Variants in HLTF observed in about 807,000 individuals in gnomAD.
The protein encoded by HLTF is DNA-dependent ATPase/E3 ubiquitin-protein ligase HLTF.
HLTF carries 127 observed loss-of-function variants against 129.4 expected under a neutral mutation model. The observed-to-expected ratio is 0.98, with a 90% CI of 0.85 to 1.14. The LOEUF (loss-of-function observed/expected upper bound fraction) is 1.14. Ranked by LOEUF, HLTF falls within the 50% of genes most tolerant of loss-of-function variation. The probability of loss-of-function intolerance (pLI) is 0.00; values close to 1 mark genes in which losing one functional copy is unlikely to be tolerated. For synonymous variants in HLTF, 332 were observed against 388.8 expected (o/e 0.85, Z 1.72); for missense variants, 1,139 against 1,187.1 (o/e 0.96, Z 0.60).
chr3:149,059,208 A>C (rs1178394464), intron 13 of HLTF, among the ~76,000 whole-genome samples: 1 of 152,170 alleles, frequency 6.6e-6, no homozygotes, highest in Non-Finnish European at 1.5e-5. Context: ...AATAATGGAG[A>C]CCAAGGGGCA....
chr3:149,084,741 A>C lies in HLTF; in HGVS notation c.169T>G (p.Ser57Ala). The stretch of plus-strand genomic sequence containing the variant: ...CCTCTCAAACTTCCAAATAAAACGG[A>C]ATCTACTTCTTCATCACTAGTTAGA... ...DFLTSDEEVD[S>A]VLFGSLRGHV... Residue 57 changes from serine (S) to alanine (A), a missense_variant, in exon 2 of 25, where the codon TCC (serine) becomes GCC (alanine). Coordinates refer to ENST00000310053, the MANE Select transcript of HLTF (RefSeq NM_003071.4). The C allele has an allele frequency of 1.2e-6, 2 of 1,614,112 alleles. No individual in the cohort carries two copies. The highest frequency in any genetic ancestry group is 1.7e-6 in the Non-Finnish European group (2 of 1,179,992).
chr3:149,069,115 T>A (rs1302599180), intron 7 of HLTF, among the ~76,000 whole-genome samples: 1 of 152,024 alleles, frequency 6.6e-6, no homozygotes, highest in Non-Finnish European at 1.5e-5. Context: ...GGCACTAAGG[T>A]ATATTAGTAC....
At chr3:149,032,520 T>G (rs1273870926) in intron 24 of HLTF, 148 bp from the exon 25 acceptor site, 1 of 496,024 alleles carries the variant, frequency 2.0e-6, no homozygotes, top group Non-Finnish European at 3.4e-6. Flanking sequence ...AGAACTGAAC[T>G]TTGCTTTCCT....
In HLTF at chr3:149,030,877, C is replaced by T. The variant is rs1714958466; in HGVS notation, c.*1343G>A. 6.6e-6 allele frequency: 1 copy of T among 152,182 alleles called. No individual in the cohort carries two copies. Among genetic ancestry groups the T allele is most frequent in the Non-Finnish European group, 1.5e-5 (1 of 68,030 alleles). 9.4% of individuals were successfully genotyped at this position (152,182 alleles called of 1,614,324 possible). A position where few individuals can be genotyped will look rare whatever the true frequency, so the allele number is the denominator to read the frequency against. On this transcript the variant is annotated 3_prime_UTR_variant, in exon 25 of 25. Transcript: ENST00000310053. ...TATCTGGTGAGAGATTTGGCATATA[C>T]CTTCAATGTGTGCCCTATAACACAA...
chr3:149,058,660 T>C (rs1464540047), intron 13 of HLTF, among the ~76,000 whole-genome samples: 1 of 152,374 alleles, frequency 6.6e-6, no homozygotes, highest in Non-Finnish European at 1.5e-5. Flanking sequence ...CTTTTCCTTA[T>C]GACCTTTTGT....
chr3:149,060,869 G>A lies in HLTF; in HGVS notation c.1161-11C>T, dbSNP rs767843353. On this transcript the variant is annotated splice_polypyrimidine_tract_variant and intron_variant, in intron 10 of 24. Transcript: ENST00000310053. ...ACAGCAGTTTTTCTTCTAAAATTAA[G>A]TATACACAAAGAAATTTTTGGACCA... 7.6e-6 allele frequency: 12 copies of A among 1,587,808 alleles called. No individual in the cohort carries two copies. The highest frequency in any genetic ancestry group is 1.0e-5 in the Non-Finnish European group (12 of 1,162,254).
At position 149,084,887 on chromosome 3, in the gene HLTF, T is replaced by C. The variant is rs773798235; in HGVS notation, c.23A>G (p.Asp8Gly). 2 of 1,609,252 alleles carry C rather than the reference T, an allele frequency of 1.2e-6. No individual in the cohort carries two copies. Among genetic ancestry groups the C allele is most frequent in the Admixed American group, 3.4e-5 (2 of 59,454 alleles). Reference protein sequence around the residue: MSWMFKRDPVWKYLQTVQ... With the variant: MSWMFKRGPVWKYLQTVQ... ...AGTCTGCAAGTACTTCCAAACTGGATCCCTATTTTTTTTTAAAGGCAAAGA... is the reference window on the plus strand; with the variant it reads ...AGTCTGCAAGTACTTCCAAACTGGACCCCTATTTTTTTTTAAAGGCAAAGA... The change falls in exon 2 of 25, where the codon GAT becomes GGT. Residue 8 changes from aspartate to glycine, a missense_variant and splice_region_variant. By Grantham distance (94) the Asp-to-Gly change is moderately conservative. Transcript: ENST00000310053.
At chr3:149,059,455 C>G in intron 13 of HLTF, 1 of 487,226 alleles carries the variant, frequency 2.1e-6, no homozygotes, top group Non-Finnish European at 3.8e-6. Context: ...TGTGCCATCA[C>G]TAGAAGAAAT....
intron 2 of HLTF, among the ~76,000 whole-genome samples, chr3:149,079,923 T>G (rs1719731528): frequency 1.3e-5 from 2 of 152,146 alleles, no homozygotes; most frequent in African/African-American, 4.8e-5. Context: ...TACTGTTAAG[T>G]TGGCACTAAT....
intron 2 of HLTF, chr3:149,083,674 C>G (rs113977520): frequency 7.9e-5 from 12 of 151,408 alleles, no homozygotes; most frequent in Admixed American, 4.6e-4. Flanking sequence ...CTTGGAGAGG[C>G]CAAGGCGGAC....
rs985584330 is a variant in HLTF at position 149,055,478 on chromosome 3, T to C, written c.1376-78A>G. On this transcript the variant is annotated intron_variant, in intron 13 of 24. Coordinates refer to ENST00000310053, the MANE Select transcript of HLTF (RefSeq NM_003071.4). ...TGTCAATAAGGAGATGGCAATAATGTGCCTCCATGAAAAGATAAATTAGGA... is the reference window on the plus strand; with the variant it reads ...TGTCAATAAGGAGATGGCAATAATGCGCCTCCATGAAAAGATAAATTAGGA... 8 of 899,042 alleles carry C rather than the reference T, an allele frequency of 8.9e-6. No individual in the cohort carries two copies. In the African/African-American group the frequency reaches 1.3e-4, roughly 15 times the overall value. The allele number at this position is 899,042 out of a possible 1,614,324, so 55.7% of individuals were successfully genotyped here.
At chr3:149,067,195 T>C (rs370072942) in intron 8 of HLTF, among the ~76,000 whole-genome samples, 341 of 150,504 alleles carry the variant, frequency 2.3e-3, no homozygotes, top group African/African-American at 7.7e-3. Context: ...TGTATATATA[T>C]ACACACACAC....
intron 18 of HLTF, among the ~76,000 whole-genome samples, chr3:149,045,136 T>C (rs1716438757): frequency 6.6e-6 from 1 of 152,174 alleles, no homozygotes; most frequent in African/African-American, 2.4e-5. Context: ...TCGTTCATAC[T>C]ATCCAGCCAC....
Position 149,039,228 on chromosome 3 carries a change from C to A in HLTF, c.2617G>T (p.Ala873Ser). ...FLSLIEIPLK[A>S]SGFVFTRLDG... ...AAACGAGTAAACACAAATCCAGAGG[C>A]TCTAAAGGGGGGAAGAAAAGAGACA... The change falls in exon 23 of 25, where the codon GCC becomes TCC. Residue 873 changes from alanine to serine, a missense_variant and splice_region_variant. Ala to Ser is a moderately conservative substitution (Grantham distance 99, BLOSUM62 1). Coordinates refer to ENST00000310053, the MANE Select transcript of HLTF (RefSeq NM_003071.4). 6.5e-7 allele frequency: 1 copy of A among 1,527,490 alleles called. No homozygotes were observed. The allele number at this position is 1,527,490 out of a possible 1,614,324, so 94.6% of individuals were successfully genotyped here. A position where few individuals can be genotyped will look rare whatever the true frequency, so the allele number is the denominator to read the frequency against.
At chr3:149,058,760 C>A (rs1717681767) in intron 13 of HLTF, among the ~76,000 whole-genome samples, 1 of 152,182 alleles carries the variant, frequency 6.6e-6, no homozygotes, top group African/African-American at 2.4e-5. Flanking sequence ...TATTCTGCTT[C>A]TCTTTCAAAG....
At chr3:149,075,273 G>C (rs1021429422) in intron 3 of HLTF, among the ~76,000 whole-genome samples, 8 of 152,312 alleles carry the variant, frequency 5.3e-5, no homozygotes, top group Admixed American at 4.6e-4. Flanking sequence ...TCCAGGCTGG[G>C]CACGGTGGCT....
At chr3:149,083,461 A>T (rs904814917) in intron 2 of HLTF, among the ~76,000 whole-genome samples, 1 of 152,190 alleles carries the variant, frequency 6.6e-6, no homozygotes, top group South Asian at 2.1e-4. Context: ...TTCTAAGATC[A>T]ATAACTACCA....
In HLTF at chr3:149,039,689, T is replaced by C. The variant is rs1715954810; in HGVS notation, c.2507A>G (p.Asn836Ser). ...GTCAGTCAATGCGTGCATTAGCGCA[T>C]TAATCTGCAAAAAATATTAAGATGT... Reference protein sequence around the residue: ...DMEWTSSSKINALMHALTDLR... With the variant: ...DMEWTSSSKISALMHALTDLR... Residue 836 changes from asparagine (N) to serine (S), a missense_variant, in exon 22 of 25, where the codon AAT (asparagine) becomes AGT (serine). Asn to Ser is a conservative substitution (Grantham distance 46). Transcript: ENST00000310053. 2 of 1,528,258 alleles carry C rather than the reference T, an allele frequency of 1.3e-6. No homozygotes were observed. Among genetic ancestry groups the C allele is most frequent in the Non-Finnish European group, 1.8e-6 (2 of 1,124,222 alleles). The allele number at this position is 1,528,258 out of a possible 1,614,324, so 94.7% of individuals were successfully genotyped here. A position where few individuals can be genotyped will look rare whatever the true frequency, so the allele number is the denominator to read the frequency against.
chr3:149,076,965 T>C (rs756046045), intron 2 of HLTF, among the ~76,000 whole-genome samples: 16 of 152,048 alleles, frequency 1.1e-4, no homozygotes, highest in East Asian at 1.9e-4. Flanking sequence ...CCTTTAAAAA[T>C]AGCTCACGGC....
Sources: allele counts gnomAD v4.1 joint callset (sites outside exome capture counted in the v4.1 genomes callset), GRCh38; gene constraint gnomAD v4.1.1; transcripts MANE v1.5; gene names NCBI Gene and HGNC (gene_info 2026-07-23, HGNC 2026-07-21).